The following PATJ variants were observed in gnomAD, a reference collection of about 807,000 sequenced individuals.
PATJ encodes PATJ crumbs cell polarity complex component.
Under a neutral mutation model 224.9 loss-of-function variants are expected in PATJ, and 190 were observed. That is an observed-to-expected ratio of 0.84 (90% CI 0.75 to 0.95). PATJ has a LOEUF of 0.95. Among genes scored for constraint, PATJ ranks in the 40% least tolerant of loss-of-function variants. PATJ has a pLI of 0.00. For synonymous variants in PATJ, 769 were observed against 820.3 expected, an observed-to-expected ratio of 0.94 and a Z score of 1.07; for missense variants, 2,121 against 2,270.3, an observed-to-expected ratio of 0.93 and a Z score of 1.34.
At chr1:61,792,661 C>T (rs868186193) in intron 9 of PATJ, among the ~76,000 whole-genome samples, 3 of 151,916 alleles carry the variant, frequency 2.0e-5, no homozygotes, top group African/African-American at 7.2e-5. Flanking sequence ...CTTCGGGTAG[C>T]TGGGAGTACA....
chr1:61,813,795 T>C (rs1026147099), intron 14 of PATJ, among the ~76,000 whole-genome samples: 36 of 152,146 alleles, frequency 2.4e-4, no homozygotes, highest in African/African-American at 1.4e-4. Flanking sequence ...GATGAAATGC[T>C]TTCGGAGGTA....
chr1:61,810,528 C>G (rs1266238542), intron 14 of PATJ, among the ~76,000 whole-genome samples: 1 of 151,800 alleles, frequency 6.6e-6, no homozygotes, highest in East Asian at 1.9e-4. Context: ...GAAACCCTGT[C>G]TCTACTAGAA....
chr1:61,812,017 C>T (rs1171673928), intron 14 of PATJ, among the ~76,000 whole-genome samples: 1 of 151,614 alleles, frequency 6.6e-6, no homozygotes, highest in Non-Finnish European at 1.5e-5. Flanking sequence ...GCCGAGATCA[C>T]GCCACTGCAC....
chr1:61,999,869 GT>G (rs771677313), intron 28 of PATJ, among the ~76,000 whole-genome samples: 20 of 151,846 alleles, frequency 1.3e-4, no homozygotes, highest in Non-Finnish European at 2.8e-4. Context: ...CAGAGTTGTG[GT>G]TTTTGTTTTT....
At chr1:62,068,208 T>G (rs1656803903) in intron 31 of PATJ, among the ~76,000 whole-genome samples, 1 of 152,224 alleles carries the variant, frequency 6.6e-6, no homozygotes, top group Non-Finnish European at 1.5e-5. Flanking sequence ...CTGGGAGAGA[T>G]GGGCTCCACC....
chr1:61,980,081 G>A (rs1272040109), intron 27 of PATJ, among the ~76,000 whole-genome samples: 4 of 151,960 alleles, frequency 2.6e-5, no homozygotes, highest in East Asian at 3.9e-4. Flanking sequence ...TCTCAAATGC[G>A]AAGATGCCAT....
chr1:61,856,315 T>C (rs1187840775), intron 18 of PATJ, 76 bp downstream of exon 18: 3 of 1,183,390 alleles, frequency 2.5e-6, no homozygotes, highest in Non-Finnish European at 3.7e-6. Context: ...GAGACACATA[T>C]ACCTGGCCAA....
intron 22 of PATJ, among the ~76,000 whole-genome samples, chr1:61,891,967 A>T (rs1174836727): frequency 6.6e-6 from 1 of 152,214 alleles, no homozygotes; most frequent in Non-Finnish European, 1.5e-5. Context: ...GAACACATGT[A>T]CATGTAGTCA....
chr1:61,763,320 T>C (rs903579618), intron 3 of PATJ, 141 bp downstream of exon 3: 1 of 437,852 alleles, frequency 2.3e-6, no homozygotes, highest in Non-Finnish European at 4.0e-6. Flanking sequence ...ACCTGTAACC[T>C]ATAACCTGTG....
intron 27 of PATJ, among the ~76,000 whole-genome samples, chr1:61,984,645 G>A (rs1225836559): frequency 6.6e-6 from 1 of 152,026 alleles, no homozygotes; most frequent in African/African-American, 2.4e-5. Context: ...AGGATTATTG[G>A]AAATGTCAAC....
intron 19 of PATJ, among the ~76,000 whole-genome samples, chr1:61,862,353 C>T (rs145859692): frequency 0.024 from 3,621 of 151,892 alleles, 63 homozygotes; most frequent in Non-Finnish European, 0.037. Context: ...TGCGCCACCA[C>T]GCCTGGCTAA....
chr1:61,861,284 C>CTTTT, intron 18 of PATJ, among the ~76,000 whole-genome samples: 75 of 48,784 alleles, frequency 1.5e-3, no homozygotes, highest in East Asian at 7.6e-3. Context: ...TTCTTTCTTT[C>CTTTT]TTTTTTTTTT....
intron 31 of PATJ, among the ~76,000 whole-genome samples, chr1:62,051,728 C>T (rs1214826326): frequency 6.6e-6 from 1 of 152,122 alleles, no homozygotes; most frequent in Non-Finnish European, 1.5e-5. Context: ...AAATTTATTC[C>T]ATTGATTCCA....
In PATJ at chr1:61,993,679, C is replaced by T. The variant is rs896712353; in HGVS notation, c.3867+3315C>T. 5.9e-5 allele frequency among the ~76,000 whole-genome samples: 9 copies of T among 152,058 alleles called. 1 individual carries two copies. The highest frequency in any genetic ancestry group is 8.8e-5 in the Non-Finnish European group (6 of 68,002). The stretch of plus-strand genomic sequence containing the variant: ...CAAGAGATGTACCTAACACCTAGCA[C>T]CCCTGTTGCTCAGGAAATTCCAAGG... On this transcript the variant is annotated intron_variant, in intron 28 of 43. Coordinates refer to ENST00000642238, the MANE Select transcript of PATJ (RefSeq NM_001350145.3).
chr1:62,080,728 A>C (rs1386880692), intron 32 of PATJ, among the ~76,000 whole-genome samples: 2 of 152,230 alleles, frequency 1.3e-5, no homozygotes, highest in African/African-American at 4.8e-5. Context: ...TTAATTTAGC[A>C]GTTCTGAAAT....
At chr1:61,805,594 A>G (rs1009293759) in intron 13 of PATJ, 70 bp downstream of exon 13, 3 of 943,172 alleles carry the variant, frequency 3.2e-6, no homozygotes, top group East Asian at 4.9e-5. Context: ...AGTACGATCC[A>G]AAGAAATGGG....
intron 41 of PATJ, among the ~76,000 whole-genome samples, chr1:62,137,739 C>T (rs1430684509): frequency 9.2e-5 from 14 of 151,848 alleles, no homozygotes. Context: ...TGTTCTTCCA[C>T]AGATGCAAAC....
intron 33 of PATJ, among the ~76,000 whole-genome samples, chr1:62,106,711 C>A (rs1489726906): frequency 1.3e-5 from 2 of 152,078 alleles, no homozygotes; most frequent in Admixed American, 6.5e-5. Context: ...ATTGATGACG[C>A]CCCTGTGGTC....
intron 11 of PATJ, among the ~76,000 whole-genome samples, chr1:61,797,770 T>C (rs954122090): frequency 6.6e-6 from 1 of 152,222 alleles, no homozygotes; most frequent in African/African-American, 2.4e-5. Flanking sequence ...CTCATTTGTC[T>C]AATACTTTGA....
Sources: allele counts gnomAD v4.1 joint callset (sites outside exome capture counted in the v4.1 genomes callset), GRCh38; gene constraint gnomAD v4.1.1; transcripts MANE v1.5; gene names NCBI Gene and HGNC (gene_info 2026-07-23, HGNC 2026-07-21).